MACROD2: variants seen among roughly 807,000 people sequenced by gnomAD.
MACROD2 encodes the protein ADP-ribose glycohydrolase MACROD2.
Under a neutral mutation model 70.4 loss-of-function variants are expected in MACROD2, and 36 were observed. That is an observed-to-expected ratio of 0.51 (90% CI 0.39 to 0.68). The LOEUF is 0.68. Among genes scored for constraint, MACROD2 ranks in the 30% least tolerant of loss-of-function variants. The probability of loss-of-function intolerance (pLI) is 0.00; values close to 1 mark genes in which losing one functional copy is unlikely to be tolerated. For missense variants in MACROD2, 496 were observed against 538.4 expected (o/e 0.92, Z 0.78); for synonymous variants, 172 against 178.8 (o/e 0.96, Z 0.30).
At chr20:14,350,810 T>C (rs936898684) in intron 3 of MACROD2, among the ~76,000 whole-genome samples, 18 of 152,176 alleles carry the variant, frequency 1.2e-4, no homozygotes, top group Admixed American at 3.3e-4. Context: ...GCTTGTGGGG[T>C]ATTACTCAAG....
chr20:15,877,068 A>G (rs777625134), intron 9 of MACROD2, among the ~76,000 whole-genome samples: 4 of 152,094 alleles, frequency 2.6e-5, no homozygotes, highest in Non-Finnish European at 4.4e-5. Flanking sequence ...GTATTTGATC[A>G]CATGACCCTT....
intron 5 of MACROD2, among the ~76,000 whole-genome samples, chr20:14,807,500 A>C (rs1372058505): frequency 6.6e-6 from 1 of 152,144 alleles, no homozygotes; most frequent in African/African-American, 2.4e-5. Context: ...GAGTGCCAAA[A>C]GGTGAAAATT....
chr20:15,358,115 A>AT lies in MACROD2; in HGVS notation c.541-73284dup, dbSNP rs528376236. Among the ~76,000 whole-genome samples the AT allele has an allele frequency of 4.9e-3, 746 of 152,090 alleles. 10 individuals are homozygous for AT. The highest frequency in any genetic ancestry group is 0.018 in the African/African-American group (728 of 41,498). On this transcript the variant is annotated intron_variant, in intron 6 of 17. Coordinates refer to ENST00000684519, the MANE Select transcript of MACROD2 (RefSeq NM_001351661.2). Reference sequence around the variant, plus strand: ...GAGCCACCGCGCCCGGCCCTCAGTCATTTTTTCTTGTGTTCATTCAGCTAA... The same window carrying AT: ...GAGCCACCGCGCCCGGCCCTCAGTCATTTTTTTCTTGTGTTCATTCAGCTAA...
At position 15,892,601 on chromosome 20, in the gene MACROD2, ACT is replaced by A. The variant is rs2064906763; in HGVS notation, c.775+6793_775+6794del. ...TAATCTATGAAGATTGAAATCGAACACTCTTGGAGGAAAAAATATTAACAGGG... is the reference window on the plus strand; with the variant it reads ...TAATCTATGAAGATTGAAATCGAACACTTGGAGGAAAAAATATTAACAGGG... On this transcript the variant is annotated intron_variant, in intron 10 of 17. Coordinates refer to ENST00000684519, the MANE Select transcript of MACROD2 (RefSeq NM_001351661.2). Among the ~76,000 whole-genome samples, 3 of 152,214 alleles carry A rather than the reference ACT, an allele frequency of 2.0e-5. No homozygotes were observed. In the South Asian group the frequency reaches 6.2e-4, roughly 32 times the overall value.
chr20:14,781,470 C>G (rs78380407), intron 5 of MACROD2, among the ~76,000 whole-genome samples: 2,079 of 146,470 alleles, frequency 0.014, 29 homozygotes, highest in Non-Finnish European at 0.02. Context: ...TTAGTGACTT[C>G]TCTTCCATCT....
At chr20:14,281,127 C>T (rs2122404648) in intron 3 of MACROD2, among the ~76,000 whole-genome samples, 1 of 152,176 alleles carries the variant, frequency 6.6e-6, no homozygotes, top group Admixed American at 6.5e-5. Flanking sequence ...AATTTGTACA[C>T]AAATGTTCAT....
At chr20:15,361,459 A>C (rs1308970874) in intron 6 of MACROD2, among the ~76,000 whole-genome samples, 2 of 152,146 alleles carry the variant, frequency 1.3e-5, no homozygotes, top group Admixed American at 1.3e-4. Flanking sequence ...CAGAGTTTTG[A>C]TTGATGTTGC....
chr20:14,773,908 T>C (rs1252602092), intron 5 of MACROD2, among the ~76,000 whole-genome samples: 1 of 152,126 alleles, frequency 6.6e-6, no homozygotes. Context: ...AACATCTTAA[T>C]GTCTTTTTTA....
intron 8 of MACROD2, among the ~76,000 whole-genome samples, chr20:15,691,270 A>G (rs1173239903): frequency 6.6e-6 from 1 of 152,162 alleles, no homozygotes; most frequent in Non-Finnish European, 1.5e-5. Context: ...TGATTTTTCA[A>G]TCTGCTGAAC....
chr20:14,818,352 C>T (rs2072797365), intron 5 of MACROD2, among the ~76,000 whole-genome samples: 1 of 152,082 alleles, frequency 6.6e-6, no homozygotes. Context: ...AATCCTACTA[C>T]CTTCTGGAGT....
intron 8 of MACROD2, among the ~76,000 whole-genome samples, chr20:15,605,453 CGTGTGTGTGT>C (rs57584580): frequency 1.4e-5 from 2 of 141,782 alleles, no homozygotes; most frequent in South Asian, 2.3e-4. Context: ...AGGATGTAAG[CGTGTGTGTGT>C]GTGTGTGTGT....
intron 15 of MACROD2, among the ~76,000 whole-genome samples, chr20:16,007,454 CCA>C (rs1475970175): frequency 6.6e-6 from 1 of 152,150 alleles, no homozygotes; most frequent in Non-Finnish European, 1.5e-5. Context: ...AAACCTGATA[CCA>C]CAGTGTCCAG....
intron 5 of MACROD2, among the ~76,000 whole-genome samples, chr20:15,034,182 TAAG>T (rs746538347): frequency 3.9e-5 from 6 of 152,204 alleles, no homozygotes; most frequent in Non-Finnish European, 5.9e-5. Flanking sequence ...CCTAGGGAAT[TAAG>T]AAGACATTAT....
At chr20:15,091,170 A>G (rs1377396416) in intron 5 of MACROD2, among the ~76,000 whole-genome samples, 1 of 151,988 alleles carries the variant, frequency 6.6e-6, no homozygotes, top group Non-Finnish European at 1.5e-5. Flanking sequence ...AACACATTCA[A>G]CATTGACTTA....
chr20:14,432,420 T>G (rs1457501363), intron 3 of MACROD2, among the ~76,000 whole-genome samples: 2 of 152,078 alleles, frequency 1.3e-5, no homozygotes, highest in Admixed American at 1.3e-4. Context: ...TAGGCACTTT[T>G]TTTTTTTTTG....
Position 15,710,216 on chromosome 20 carries a change from A to T in MACROD2, c.646-152529A>T, listed in dbSNP as rs1041264966. 1.3e-4 allele frequency among the ~76,000 whole-genome samples: 19 copies of T among 149,446 alleles called. No individual in the cohort carries two copies. In the East Asian group the frequency reaches 2.7e-3, roughly 21 times the overall value. Reference sequence around the variant, plus strand: ...AGACAAAAAAAAAAAAAAAAAAACAATTGCGGGTAAGGATGCAAAAAAAGT... The same window carrying T: ...AGACAAAAAAAAAAAAAAAAAAACATTTGCGGGTAAGGATGCAAAAAAAGT... On this transcript the variant is annotated intron_variant, in intron 8 of 17. Coordinates refer to ENST00000684519, the MANE Select transcript of MACROD2 (RefSeq NM_001351661.2).
intron 5 of MACROD2, chr20:14,935,259 T>C (rs1282799578): frequency 1.3e-5 from 2 of 152,188 alleles, no homozygotes; most frequent in Non-Finnish European, 2.9e-5. Context: ...TCTAAATGTA[T>C]CTTGTCTTTT....
intron 7 of MACROD2, among the ~76,000 whole-genome samples, chr20:15,479,976 A>G (rs554147099): frequency 6.6e-6 from 1 of 152,376 alleles, no homozygotes; most frequent in Admixed American, 6.5e-5. Context: ...AAATAATAAT[A>G]TAAGTAAAGT....
chr20:14,639,316 G>A (rs548410099), intron 4 of MACROD2, among the ~76,000 whole-genome samples: 35 of 151,724 alleles, frequency 2.3e-4, no homozygotes, highest in Non-Finnish European at 4.4e-4. Context: ...TAAGATCTAG[G>A]TACCTTCTTC....
Sources: allele counts gnomAD v4.1 joint callset (sites outside exome capture counted in the v4.1 genomes callset), GRCh38; gene constraint gnomAD v4.1.1; transcripts MANE v1.5; gene names NCBI Gene and HGNC (gene_info 2026-07-23, HGNC 2026-07-21).